Variants in RERE observed in about 807,000 individuals in gnomAD.
The protein encoded by RERE is arginine-glutamic acid dipeptide repeats protein.
In RERE, 40 loss-of-function variants were observed where a neutral mutation model predicts 146.1. The observed-to-expected ratio is 0.27, with a 90% confidence interval of 0.21 to 0.36. The LOEUF is 0.36. Among genes scored for constraint, RERE ranks in the 10% least tolerant of loss-of-function variants. The probability of loss-of-function intolerance (pLI) is 1.00; values close to 1 mark genes in which losing one functional copy is unlikely to be tolerated. For synonymous variants in RERE, 1,003 were observed against 866.0 expected (o/e 1.16, Z -2.78); for missense variants, 1,933 against 2,138.7 (o/e 0.90, Z 1.90).
At chr1:8,410,150 A>T (rs1238729686) in intron 12 of RERE, among the ~76,000 whole-genome samples, 1 of 152,124 alleles carries the variant, frequency 6.6e-6, no homozygotes, top group Admixed American at 6.5e-5. Context: ...CACTAAGTTA[A>T]CACACATGCA....
At chr1:8,726,840 C>T (rs2124481312) in intron 1 of RERE, among the ~76,000 whole-genome samples, 1 of 152,340 alleles carries the variant, frequency 6.6e-6, no homozygotes, top group African/African-American at 2.4e-5. Context: ...AAGTCTCCCT[C>T]TATTGCCTAG....
intron 8 of RERE, among the ~76,000 whole-genome samples, chr1:8,498,005 G>C (rs1345469808): frequency 6.6e-6 from 1 of 152,202 alleles, no homozygotes; most frequent in Non-Finnish European, 1.5e-5. Context: ...TCTTAAGACA[G>C]TCAATAGCAA....
At chr1:8,457,029 A>T (rs1466661454) in intron 11 of RERE, among the ~76,000 whole-genome samples, 1 of 152,184 alleles carries the variant, frequency 6.6e-6, no homozygotes, top group African/African-American at 2.4e-5. Flanking sequence ...TGTTTTGTTC[A>T]CTGCTGTATC....
At position 8,359,957 on chromosome 1, in the gene RERE, T is replaced by C. The variant is rs752965511; in HGVS notation, c.3425A>G (p.Asn1142Ser). The change falls in exon 19 of 23, where the codon AAC becomes AGC. Residue 1142 changes from asparagine (N) to serine (S), a missense_variant. Asn to Ser is a conservative substitution (Grantham distance 46, BLOSUM62 1). Transcript: ENST00000400908. ...GTACAGGTCTGTCCGGGCACACGAGTTGTAGCCCCGGTCCAGGTGTTTGTA... is the reference window on the plus strand; with the variant it reads ...GTACAGGTCTGTCCGGGCACACGAGCTGTAGCCCCGGTCCAGGTGTTTGTA... ...RFYKHLDRGY[N>S]SCARTDLYFM... The C allele has an allele frequency of 4.3e-6, 7 of 1,612,928 alleles. No individual in the cohort carries two copies. The highest frequency in any genetic ancestry group is 1.3e-5 in the African/African-American group (1 of 74,994).
At chr1:8,463,366 T>A (rs1245348010) in intron 11 of RERE, among the ~76,000 whole-genome samples, 2 of 152,080 alleles carry the variant, frequency 1.3e-5, no homozygotes, top group East Asian at 3.8e-4. Flanking sequence ...ATGTATACAG[T>A]TAAGGATCAT....
At chr1:8,804,452 T>A (rs1177507504) in intron 1 of RERE, among the ~76,000 whole-genome samples, 1 of 152,208 alleles carries the variant, frequency 6.6e-6, no homozygotes, top group African/African-American at 2.4e-5. Context: ...TACTGGTATT[T>A]ATGGCACAAA....
intron 8 of RERE, among the ~76,000 whole-genome samples, chr1:8,506,911 A>G (rs1645256809): frequency 6.6e-6 from 1 of 152,228 alleles, no homozygotes; most frequent in African/African-American, 2.4e-5. Flanking sequence ...CTATAGGAGC[A>G]AATGTGAAGG....
chr1:8,622,477 G>A (rs2124220311), intron 3 of RERE, among the ~76,000 whole-genome samples: 1 of 89,100 alleles, frequency 1.1e-5, no homozygotes, highest in East Asian at 3.8e-4. Flanking sequence ...TGTCAGTGCT[G>A]TATCTGTTTA....
chr1:8,461,671 T>A (rs575744871), intron 11 of RERE, among the ~76,000 whole-genome samples: 3 of 152,100 alleles, frequency 2.0e-5, no homozygotes, highest in Admixed American at 6.6e-5. Context: ...GAGTTTGAGA[T>A]GAAAGGCCTC....
rs140221562 is a variant in RERE at position 8,408,389 on chromosome 1, G to C, written c.1284+14338C>G. Among the ~76,000 whole-genome samples the C allele has an allele frequency of 7.6e-3, 1,164 of 152,272 alleles. 15 individuals carry two copies. The highest frequency in any genetic ancestry group is 0.026 in the African/African-American group (1,066 of 41,542). ...AGAGAGCAAGAGGAGGAGGGAAAAAGATTTCACAAAAGCATTATCAAGGCC... is the reference window on the plus strand; with the variant it reads ...AGAGAGCAAGAGGAGGAGGGAAAAACATTTCACAAAAGCATTATCAAGGCC... On this transcript the variant is annotated intron_variant, in intron 12 of 22. Coordinates refer to ENST00000400908, the MANE Select transcript of RERE (RefSeq NM_001042681.2).
chr1:8,604,226 C>A (rs527985105), intron 4 of RERE, among the ~76,000 whole-genome samples: 2 of 152,098 alleles, frequency 1.3e-5, no homozygotes, highest in Admixed American at 1.3e-4. Context: ...TGATTCAAAC[C>A]GATACTATGA....
intron 1 of RERE, among the ~76,000 whole-genome samples, chr1:8,666,543 A>G (rs1638578593): frequency 6.6e-6 from 1 of 152,250 alleles, no homozygotes; most frequent in Non-Finnish European, 1.5e-5. Context: ...GTTGCCTTTC[A>G]TATCAACATG....
intron 11 of RERE, among the ~76,000 whole-genome samples, chr1:8,463,264 T>C (rs1041750069): frequency 6.6e-6 from 1 of 152,250 alleles, no homozygotes; most frequent in Admixed American, 6.5e-5. Context: ...GGGAACCATT[T>C]GATCCTGAGG....
intron 4 of RERE, among the ~76,000 whole-genome samples, chr1:8,592,443 G>A (rs1646506833): frequency 6.6e-6 from 1 of 151,886 alleles, no homozygotes; most frequent in South Asian, 2.1e-4. Context: ...GCTAATTTTT[G>A]TACTTTTTTG....
rs1484554374 is a variant in RERE, at chr1:8,647,637, A to ATGTGTG, written c.325+8335_325+8336insCACACA. On this transcript the variant is annotated intron_variant, in intron 2 of 22. Transcript: ENST00000400908. ...GATCAAATGAGCTTCTATTTAAAATATGTATGTGTGTGTGTGTGTGTGTGT... is the reference window on the plus strand; with the variant it reads ...GATCAAATGAGCTTCTATTTAAAATATGTGTGTGTATGTGTGTGTGTGTGTGTGTGT... Among the ~76,000 whole-genome samples, 423 of 59,348 alleles carry ATGTGTG rather than the reference A, an allele frequency of 7.1e-3. 2 individuals carry two copies. Among genetic ancestry groups the ATGTGTG allele is most frequent in the African/African-American group, 0.024 (398 of 16,664 alleles). 38.9% of individuals were successfully genotyped at this position (59,348 alleles called of 152,430 possible).
chr1:8,683,544 G>A (rs1639021485), intron 1 of RERE, among the ~76,000 whole-genome samples: 1 of 152,074 alleles, frequency 6.6e-6, no homozygotes, highest in African/African-American at 2.4e-5. Context: ...CACAGTTACT[G>A]GTGCTGCTTT....
chr1:8,484,892 G>C (rs1644879124), intron 10 of RERE, among the ~76,000 whole-genome samples: 1 of 152,168 alleles, frequency 6.6e-6, no homozygotes, highest in African/African-American at 2.4e-5. Context: ...GCGGTACAAA[G>C]CTGTTTCTTA....
chr1:8,670,204 A>G (rs1638681725), intron 1 of RERE, among the ~76,000 whole-genome samples: 1 of 152,254 alleles, frequency 6.6e-6, no homozygotes, highest in African/African-American at 2.4e-5. Context: ...CAGAAGAGCC[A>G]CTAGAACAAC....
chr1:8,407,539 G>C (rs1643483500), intron 12 of RERE, among the ~76,000 whole-genome samples: 1 of 151,596 alleles, frequency 6.6e-6, no homozygotes, highest in South Asian at 2.1e-4. Flanking sequence ...CAGAAGCTCT[G>C]TGGGGGAAGC....
Sources: allele counts gnomAD v4.1 joint callset (sites outside exome capture counted in the v4.1 genomes callset), GRCh38; gene constraint gnomAD v4.1.1; transcripts MANE v1.5; gene names NCBI Gene and HGNC (gene_info 2026-07-23, HGNC 2026-07-21).